WDR77: variants seen among roughly 807,000 people sequenced by gnomAD.
WDR77 encodes the protein methylosome protein WDR77.
Under a neutral mutation model 44.0 loss-of-function variants are expected in WDR77, and 31 were observed. The ratio of observed to expected loss-of-function variants is 0.70; its 90% CI spans 0.53 to 0.95. The LOEUF (loss-of-function observed/expected upper bound fraction) is 0.95, where lower values mean the gene tolerates loss of function less well. Ranked by LOEUF, WDR77 falls within the 40% of genes least tolerant of loss-of-function variation. The pLI is 0.00. For missense variants in WDR77, 390 were observed against 423.9 expected, an observed-to-expected ratio of 0.92 and a Z score of 0.70; for synonymous variants, 186 against 165.7, an observed-to-expected ratio of 1.12 and a Z score of -0.94.
intron 4 of WDR77, among the ~76,000 whole-genome samples, chr1:111,444,968 G>T (rs1384924281): frequency 6.6e-6 from 1 of 152,214 alleles, no homozygotes; most frequent in Non-Finnish European, 1.5e-5. Flanking sequence ...ACTGGCTTTT[G>T]CCAGTTAGGC....
intron 2 of WDR77, among the ~76,000 whole-genome samples, chr1:111,448,264 G>A (rs1653136686): frequency 6.6e-6 from 1 of 152,088 alleles, no homozygotes; most frequent in African/African-American, 2.4e-5. Context: ...CAAGAAAGCG[G>A]TAAGAAATGG....
At position 111,449,148 on chromosome 1, in the gene WDR77, G is replaced by T. The variant is rs768471611; in HGVS notation, c.22C>A (p.Pro8Thr). The T allele has an allele frequency of 1.3e-6, 2 of 1,590,832 alleles. No individual in the cohort carries two copies. The highest frequency in any genetic ancestry group is 1.1e-5 in the South Asian group (1 of 88,670). ...TCCCGGGCCGCCGGGGGCACTAGGG[G>T]GGGTGGGGTTTCCTTCCGCATCTCC... MRKETPP[P>T]LVPPAAREWN... Residue 8 changes from proline to threonine, a missense_variant, in exon 1 of 10, where the codon CCC (proline) becomes ACC (threonine). Coordinates refer to ENST00000235090, the MANE Select transcript of WDR77 (RefSeq NM_024102.4).
Position 111,444,091 on chromosome 1 carries a change from G to C in WDR77, c.527C>G (p.Ser176Cys), listed in dbSNP as rs373098617. The change falls in exon 5 of 10, where the codon TCT becomes TGT. Residue 176 changes from serine to cysteine, a missense_variant. Coordinates refer to ENST00000235090, the MANE Select transcript of WDR77 (RefSeq NM_024102.4). ...HAAQVTCVAA[S>C]PHKDSVFLSC... ...AAGAAACACAGAGTCCTTGTGAGGAGAGGCAGCAACACAAGTGACCTGAGC... is the reference window on the plus strand; with the variant it reads ...AAGAAACACAGAGTCCTTGTGAGGACAGGCAGCAACACAAGTGACCTGAGC... 3.7e-6 allele frequency: 6 copies of C among 1,613,936 alleles called. No individual in the cohort carries two copies. The Admixed American group carries it at 5.0e-5, about 13-fold the overall frequency.
At chr1:111,445,756 T>C (rs914310105) in intron 4 of WDR77, among the ~76,000 whole-genome samples, 2 of 151,890 alleles carry the variant, frequency 1.3e-5, no homozygotes, top group Non-Finnish European at 2.9e-5. Flanking sequence ...GCAAATATAA[T>C]AGACATAGAA....
chr1:111,447,657 G>A, intron 2 of WDR77, 81 bp from the exon 3 acceptor site: 2 of 1,515,746 alleles, frequency 1.3e-6, no homozygotes, highest in Non-Finnish European at 9.1e-7. Context: ...AAGAGCCATT[G>A]TCACTAAATT....
intron 1 of WDR77, 64 bp from the exon 2 acceptor site, chr1:111,448,868 C>T (rs1279133763): frequency 6.5e-7 from 1 of 1,548,690 alleles, no homozygotes; most frequent in Non-Finnish European, 8.7e-7. Flanking sequence ...GGAGACCGCA[C>T]AGAACAGCGT....
At chr1:111,447,651 G>T in intron 2 of WDR77, 75 bp from the exon 3 acceptor site, 1 of 1,538,430 alleles carries the variant, frequency 6.5e-7, no homozygotes, top group Non-Finnish European at 9.0e-7. Flanking sequence ...GATTCAAAGA[G>T]CCATTGTCAC....
rs1653064308 is a variant in WDR77 at position 111,446,989 on chromosome 1, G to GA, written c.493+105dup. 3 of 1,166,812 alleles carry GA rather than the reference G, an allele frequency of 2.6e-6. No homozygotes were observed. In the East Asian group the frequency reaches 7.1e-5, roughly 28 times the overall value. The allele number at this position is 1,166,812 out of a possible 1,614,324, so 72.3% of individuals were successfully genotyped here. A position where few individuals can be genotyped will look rare whatever the true frequency, so the allele number is the denominator to read the frequency against. ...CCGGAGCCTGACTATTGTTTTACAA[G>GA]AAAACTATCAGAACATGGAATTGCT... On this transcript the variant is annotated intron_variant, in intron 4 of 9. Transcript: ENST00000235090.
chr1:111,448,778 T>A lies in WDR77; in HGVS notation c.142A>T (p.Ser48Cys), dbSNP rs1410580102. Reference protein sequence around the residue: ...SDGALLLGASSLSGRCWAGSL... With the variant: ...SDGALLLGASCLSGRCWAGSL... ...CCGGCCCAGCAGCGCCCACTCAGGC[T>A]GGAGGCCCCGAGGAGAAGCGCCCCA... The change falls in exon 2 of 10, where the codon AGC (serine) becomes TGC (cysteine). Residue 48 changes from serine (S) to cysteine (C), a missense_variant. Coordinates refer to ENST00000235090, the MANE Select transcript of WDR77 (RefSeq NM_024102.4). 1 of 1,596,728 alleles carries A rather than the reference T, an allele frequency of 6.3e-7. No individual in the cohort carries two copies. Among genetic ancestry groups the A allele is most frequent in the African/African-American group, 1.3e-5 (1 of 74,470 alleles).
rs1287763816 is a variant in WDR77 at position 111,442,158 on chromosome 1, G to T, written c.801-65C>A. 4 of 1,490,748 alleles carry T rather than the reference G, an allele frequency of 2.7e-6. No homozygotes were observed. The African/African-American group carries it at 5.5e-5, about 21-fold the overall frequency. The allele number at this position is 1,490,748 out of a possible 1,614,324, so 92.3% of individuals were successfully genotyped here. A position where few individuals can be genotyped will look rare whatever the true frequency, so the allele number is the denominator to read the frequency against. On this transcript the variant is annotated intron_variant, in intron 8 of 9. Coordinates refer to ENST00000235090, the MANE Select transcript of WDR77 (RefSeq NM_024102.4). ...GATCCCAAGACAAAACCTTAACTGG[G>T]CCGGCCCTGCCGCCACTGTAAAGTG...
At chr1:111,448,575 C>T (rs1653154046) in intron 2 of WDR77, 44 bp downstream of exon 2, 9 of 1,608,096 alleles carry the variant, frequency 5.6e-6, no homozygotes, top group Non-Finnish European at 7.7e-6. Context: ...TCCATTCTAC[C>T]GTTCCACCCG....
rs1652868223 is a variant in WDR77 at position 111,442,766 on chromosome 1, A to G, written c.692-5T>C. On this transcript the variant is annotated splice_region_variant and splice_polypyrimidine_tract_variant and intron_variant, in intron 7 of 9. Transcript: ENST00000235090. ...AGACTGTCCCATTCTCATCACCTGTAGAAGAGAAGGAACATGTCATAGTGA... is the reference window on the plus strand; with the variant it reads ...AGACTGTCCCATTCTCATCACCTGTGGAAGAGAAGGAACATGTCATAGTGA... 1 of 1,556,264 alleles carries G rather than the reference A, an allele frequency of 6.4e-7. No individual in the cohort carries two copies. The highest frequency in any genetic ancestry group is 8.8e-7 in the Non-Finnish European group (1 of 1,142,570).
intron 9 of WDR77, chr1:111,441,641 G>A: frequency 8.0e-7 from 1 of 1,250,400 alleles, no homozygotes; most frequent in Non-Finnish European, 1.0e-6. Flanking sequence ...GGCAGTAACA[G>A]GCAGCAAATC....
At chr1:111,443,261 G>A in intron 7 of WDR77, 62 bp downstream of exon 7, 1 of 1,486,744 alleles carries the variant, frequency 6.7e-7, no homozygotes, top group Non-Finnish European at 9.2e-7. Flanking sequence ...TGTGGAGTCA[G>A]CTCTTTCTTT....
Position 111,447,081 on chromosome 1 carries a change from G to C in WDR77, c.493+14C>G. ...AACAGCTAACACCAGGGCTAAAAAT[G>C]AAAGAATACTCACCTCGGTATGAAC... is the stretch of plus-strand genomic sequence containing the variant. On this transcript the variant is annotated intron_variant, in intron 4 of 9. Transcript: ENST00000235090. 15 of 1,613,818 alleles carry C rather than the reference G, an allele frequency of 9.3e-6. No individual in the cohort carries two copies. The highest frequency in any genetic ancestry group is 1.3e-5 in the Non-Finnish European group (15 of 1,179,860).
chr1:111,447,278 G>A (rs1230377429), intron 3 of WDR77, 134 bp from the exon 4 acceptor site: 24 of 1,458,368 alleles, frequency 1.6e-5, no homozygotes, highest in East Asian at 4.7e-5. Flanking sequence ...GTCTACTTAC[G>A]ATGGACTGCA....
intron 1 of WDR77, 68 bp downstream of exon 1, chr1:111,448,987 G>C: frequency 1.9e-6 from 3 of 1,540,948 alleles, no homozygotes; most frequent in Non-Finnish European, 2.6e-6. Context: ...GGCTGGGAGG[G>C]TCAGTCTCCG....
chr1:111,448,161 C>T (rs555545080), intron 2 of WDR77, among the ~76,000 whole-genome samples: 5 of 150,396 alleles, frequency 3.3e-5, no homozygotes, highest in Middle Eastern at 3.4e-3. Flanking sequence ...CATGCAATGC[C>T]GGCCAACTTC....
At position 111,442,159 on chromosome 1, in the gene WDR77, C is replaced by T. The variant is rs1295385105; in HGVS notation, c.801-66G>A. 2.7e-6 allele frequency: 4 copies of T among 1,488,164 alleles called. No individual in the cohort carries two copies. The East Asian group carries it at 6.9e-5, about 26-fold the overall frequency. The allele number at this position is 1,488,164 out of a possible 1,614,324, so 92.2% of individuals were successfully genotyped here. On this transcript the variant is annotated intron_variant, in intron 8 of 9. Transcript: ENST00000235090. ...ATCCCAAGACAAAACCTTAACTGGG[C>T]CGGCCCTGCCGCCACTGTAAAGTGA...
Sources: gnomAD v4.1 joint callset for allele counts (sites outside exome capture counted in the v4.1 genomes callset) on GRCh38, gnomAD v4.1.1 for gene constraint, MANE v1.5 for transcripts, NCBI Gene and HGNC (gene_info 2026-07-23, HGNC 2026-07-21) for gene names.